The following SLC24A2 variants were observed in gnomAD, a reference collection of about 807,000 sequenced individuals.
The protein encoded by SLC24A2 is sodium/potassium/calcium exchanger 2.
In SLC24A2, 36 loss-of-function variants were observed where a neutral mutation model predicts 62.0. That is an observed-to-expected ratio of 0.58 (90% CI 0.44 to 0.77). The LOEUF (loss-of-function observed/expected upper bound fraction) is 0.77. SLC24A2 is among the 30% of genes least tolerant of loss of function. The pLI, the probability that SLC24A2 is intolerant of heterozygous loss-of-function variation, is 0.00. For synonymous variants in SLC24A2, 358 were observed against 294.0 expected (o/e 1.22, Z -2.23); for missense variants, 846 against 817.9 (o/e 1.03, Z -0.42).
Position 19,778,628 on chromosome 9 carries a change from G to C in SLC24A2, c.930+7309C>G, listed in dbSNP as rs1194907705. Among the ~76,000 whole-genome samples the C allele has an allele frequency of 3.9e-5, 6 of 152,074 alleles. No homozygotes were observed. In the East Asian group the frequency reaches 9.6e-4, roughly 24 times the overall value. On this transcript the variant is annotated intron_variant, in intron 2 of 10. Transcript: ENST00000341998. ...TTTGCAGTCTGAATTTACACTACCT[G>C]GGTAGTAAAAAAGTCAAACATGTAG... is the stretch of plus-strand genomic sequence containing the variant.
chr9:20,025,787 A>C, the SLC24A2 span, among the ~76,000 whole-genome samples: 37 of 152,266 alleles, frequency 2.4e-4, 1 homozygote, highest in South Asian at 7.7e-3. Context: ...TCTATAAGAG[A>C]GGTGGAGATG....
intron 2 of SLC24A2, among the ~76,000 whole-genome samples, chr9:19,755,795 C>T (rs906152035): frequency 3.3e-5 from 5 of 152,184 alleles, no homozygotes; most frequent in African/African-American, 9.7e-5. Flanking sequence ...CAGTTTAATT[C>T]CTAATCGTAA....
chr9:19,820,005 ATGTG>A, the SLC24A2 span, among the ~76,000 whole-genome samples: 61 of 125,228 alleles, frequency 4.9e-4, no homozygotes, highest in African/African-American at 1.6e-3. Flanking sequence ...ATATATATAT[ATGTG>A]TATATATATA....
intron 2 of SLC24A2, among the ~76,000 whole-genome samples, chr9:19,785,075 C>G (rs749491694): frequency 6.6e-6 from 1 of 152,148 alleles, no homozygotes; most frequent in African/African-American, 2.4e-5. Flanking sequence ...TATTCCACTG[C>G]TAGGATATAA....
chr9:19,820,058 C>CACATATATATATACATATAT, the SLC24A2 span, among the ~76,000 whole-genome samples: 1 of 34,644 alleles, frequency 2.9e-5, no homozygotes, highest in African/African-American at 6.8e-5. Flanking sequence ...TATATATACA[C>CACATATATATATACATATAT]ATATATATAT....
chr9:19,707,425 A>T (rs968574661), intron 2 of SLC24A2, among the ~76,000 whole-genome samples: 4 of 152,256 alleles, frequency 2.6e-5, no homozygotes, highest in Admixed American at 6.5e-5. Context: ...CATCATCCTG[A>T]TACCAAAGCC....
At chr9:19,608,507 A>G (rs939312306) in intron 4 of SLC24A2, among the ~76,000 whole-genome samples, 2 of 152,198 alleles carry the variant, frequency 1.3e-5, no homozygotes, top group African/African-American at 4.8e-5. Context: ...CCACAGATAG[A>G]GTCCTGTGTG....
At chr9:19,983,198 T>C in the SLC24A2 span, among the ~76,000 whole-genome samples, 1 of 152,186 alleles carries the variant, frequency 6.6e-6, no homozygotes, top group Non-Finnish European at 1.5e-5. Flanking sequence ...ACATCCAAAC[T>C]GGAATGAAAG....
the SLC24A2 span, among the ~76,000 whole-genome samples, chr9:20,275,691 T>C: frequency 3.9e-5 from 6 of 152,234 alleles, no homozygotes; most frequent in African/African-American, 4.8e-5. Context: ...ACGTGTGTAT[T>C]CCTCCATTTT....
chr9:20,225,266 A>T, the SLC24A2 span, among the ~76,000 whole-genome samples: 18 of 151,488 alleles, frequency 1.2e-4, no homozygotes, highest in Admixed American at 3.3e-4. Flanking sequence ...TCAAACTTAC[A>T]CAAGGAAACA....
chr9:19,947,306 A>G, the SLC24A2 span, among the ~76,000 whole-genome samples: 1 of 152,028 alleles, frequency 6.6e-6, no homozygotes, highest in African/African-American at 2.4e-5. Context: ...TATTAGAAAC[A>G]ACTCTCAGGT....
intron 1 of SLC24A2, chr9:19,788,591 G>A (rs1587329918): frequency 1.0e-6 from 1 of 985,464 alleles, no homozygotes; most frequent in Non-Finnish European, 1.2e-6. Flanking sequence ...CCCCTGAGTC[G>A]TTTGTAGGTG....
At chr9:19,545,864 C>G (rs1359934838) in intron 8 of SLC24A2, among the ~76,000 whole-genome samples, 1 of 152,156 alleles carries the variant, frequency 6.6e-6, no homozygotes, top group Non-Finnish European at 1.5e-5. Context: ...GTCTCAATCT[C>G]CTGACCTTGT....
intron 2 of SLC24A2, among the ~76,000 whole-genome samples, chr9:19,622,523 G>A (rs888167607): frequency 3.3e-5 from 5 of 152,148 alleles, no homozygotes; most frequent in African/African-American, 1.2e-4. Flanking sequence ...GGTCAAAGTT[G>A]AATGGCCAAC....
the SLC24A2 span, among the ~76,000 whole-genome samples, chr9:20,148,390 A>G: frequency 6.6e-6 from 1 of 152,056 alleles, no homozygotes; most frequent in African/African-American, 2.4e-5. Flanking sequence ...AGTAGGTAAA[A>G]CTTACCCTTT....
the SLC24A2 span, among the ~76,000 whole-genome samples, chr9:20,012,484 A>T: frequency 6.6e-6 from 1 of 152,214 alleles, no homozygotes; most frequent in African/African-American, 2.4e-5. Flanking sequence ...CAGTCAAAAC[A>T]TATCACCCAC....
the SLC24A2 span, among the ~76,000 whole-genome samples, chr9:20,153,815 G>A: frequency 1.3e-5 from 2 of 151,946 alleles, no homozygotes; most frequent in Admixed American, 6.6e-5. Context: ...GGAATATAGG[G>A]ACTTGAGTAA....
the SLC24A2 span, among the ~76,000 whole-genome samples, chr9:19,919,213 G>C: frequency 6.6e-6 from 1 of 152,092 alleles, no homozygotes; most frequent in Non-Finnish European, 1.5e-5. Context: ...GCTTGCTCCC[G>C]GGGGGTTCAG....
the SLC24A2 span, among the ~76,000 whole-genome samples, chr9:19,865,816 A>G: frequency 1.3e-5 from 2 of 152,316 alleles, no homozygotes; most frequent in South Asian, 4.1e-4. Flanking sequence ...ATACCCGATA[A>G]GCACAGGCAA....
Sources: allele counts gnomAD v4.1 joint callset (sites outside exome capture counted in the v4.1 genomes callset), GRCh38; gene constraint gnomAD v4.1.1; transcripts MANE v1.5; gene names NCBI Gene and HGNC (gene_info 2026-07-23, HGNC 2026-07-21).